The following BST1 variants were observed in gnomAD, a reference collection of about 807,000 sequenced individuals.
The protein encoded by BST1 is bone marrow stromal cell antigen 1.
Under a neutral mutation model 40.6 loss-of-function variants are expected in BST1, and 49 were observed. The ratio of observed to expected loss-of-function variants is 1.21; its 90% CI spans 0.96 to 1.53. The LOEUF is 1.53. BST1 is among the 40% of genes most tolerant of loss of function. BST1 has a pLI of 0.00. For missense variants in BST1, 423 were observed against 395.9 expected, an observed-to-expected ratio of 1.07 and a Z score of -0.58; for synonymous variants, 157 against 159.3, an observed-to-expected ratio of 0.99 and a Z score of 0.11.
At chr4:15,724,656 A>G (rs1721001781) in intron 8 of BST1, among the ~76,000 whole-genome samples, 1 of 152,218 alleles carries the variant, frequency 6.6e-6, no homozygotes, top group East Asian at 1.9e-4. Context: ...AGTGCACTCC[A>G]GCCCAGTCAA....
At chr4:15,752,158 C>T in the BST1 span, among the ~76,000 whole-genome samples, 1 of 152,230 alleles carries the variant, frequency 6.6e-6, no homozygotes, top group Middle Eastern at 3.4e-3. Context: ...AGGATCTATT[C>T]AGTAAATGGG....
chr4:15,726,869 ATTTTTTT>A, intron 8 of BST1, among the ~76,000 whole-genome samples: 1 of 129,612 alleles, frequency 7.7e-6, no homozygotes, highest in African/African-American at 2.9e-5. Context: ...TTTCCTCGGT[ATTTTTTT>A]TTTTTTTTTT....
At chr4:15,703,862 G>A (rs1397124472) in intron 1 of BST1, among the ~76,000 whole-genome samples, 1 of 145,280 alleles carries the variant, frequency 6.9e-6, no homozygotes, top group Non-Finnish European at 1.5e-5. Context: ...TGAGGGGTGT[G>A]TGCATGTGTG....
chr4:15,729,013 C>G (rs1721255812), intron 8 of BST1, among the ~76,000 whole-genome samples: 1 of 151,928 alleles, frequency 6.6e-6, no homozygotes, highest in East Asian at 1.9e-4. Context: ...AGTTTTGAAC[C>G]AGTATTGGAA....
chr4:15,715,654 C>T, intron 5 of BST1, 53 bp from the exon 6 acceptor site: 1 of 1,266,948 alleles, frequency 7.9e-7, no homozygotes, highest in Non-Finnish European at 1.1e-6. Flanking sequence ...AAATTAACAA[C>T]TGAAATGGAA....
the BST1 span, among the ~76,000 whole-genome samples, chr4:15,760,370 A>G: frequency 6.6e-6 from 1 of 151,824 alleles, no homozygotes; most frequent in Non-Finnish European, 1.5e-5. Flanking sequence ...AATTATTATG[A>G]TAATGCCTTT....
At chr4:15,715,576 TA>T in intron 5 of BST1, 130 bp from the exon 6 acceptor site, 1 of 839,314 alleles carries the variant, frequency 1.2e-6, no homozygotes, top group Non-Finnish European at 1.8e-6. Flanking sequence ...AAAAGTAACC[TA>T]AAAATAAAAG....
chr4:15,767,550 G>A, the BST1 span, among the ~76,000 whole-genome samples: 10 of 151,022 alleles, frequency 6.6e-5, no homozygotes, highest in Admixed American at 2.6e-4. Flanking sequence ...TGATCTGCCC[G>A]TTTCGGCTTT....
chr4:15,750,556 G>C, the BST1 span, among the ~76,000 whole-genome samples: 1 of 152,206 alleles, frequency 6.6e-6, no homozygotes, highest in Admixed American at 6.5e-5. Flanking sequence ...CTACTATCCA[G>C]AACTATGCTG....
At chr4:15,767,757 G>T in the BST1 span, among the ~76,000 whole-genome samples, 1 of 151,626 alleles carries the variant, frequency 6.6e-6, no homozygotes, top group African/African-American at 2.4e-5. Context: ...TTGATGTGGG[G>T]AAAACACTTT....
the BST1 span, among the ~76,000 whole-genome samples, chr4:15,769,816 G>T: frequency 6.6e-6 from 1 of 151,944 alleles, no homozygotes; most frequent in Non-Finnish European, 1.5e-5. Context: ...TTTCTTCTTT[G>T]CTCTATTTCC....
At chr4:15,736,023 GT>G, downstream of BST1, 1 of 1,232,638 alleles carries the variant, frequency 8.1e-7, no homozygotes, top group Non-Finnish European at 1.1e-6. Flanking sequence ...ATTTTTCTAT[GT>G]GTTTTTATGC....
chr4:15,723,849 G>A (rs57497036), intron 8 of BST1, among the ~76,000 whole-genome samples: 20,484 of 152,002 alleles, frequency 0.13, 2,599 homozygotes, highest in East Asian at 0.52. Flanking sequence ...ACTCCTCCAC[G>A]CTATGTATTT....
the BST1 span, among the ~76,000 whole-genome samples, chr4:15,754,303 G>A: frequency 2.3e-3 from 347 of 152,296 alleles, 1 homozygote; most frequent in African/African-American, 7.9e-3. Flanking sequence ...GAGGTTGTGA[G>A]GATTAGTGTG....
At chr4:15,709,623 C>T (rs1720075407) in intron 3 of BST1, among the ~76,000 whole-genome samples, 1 of 152,206 alleles carries the variant, frequency 6.6e-6, no homozygotes, top group African/African-American at 2.4e-5. Flanking sequence ...TTCTTCTTCA[C>T]CTCGCTGCCC....
At chr4:15,737,533 G>A (rs1030645165), downstream of BST1, among the ~76,000 whole-genome samples, 22 of 152,166 alleles carry the variant, frequency 1.4e-4, 1 homozygote, top group South Asian at 6.2e-4. Context: ...TCAACAAACA[G>A]GTCCCAGCAC....
intron 7 of BST1, among the ~76,000 whole-genome samples, chr4:15,719,970 A>T (rs774588200): frequency 6.6e-6 from 1 of 152,222 alleles, no homozygotes; most frequent in Non-Finnish European, 1.5e-5. Context: ...AACAAGGCAA[A>T]TGTCCTTTTC....
chr4:15,707,568 C>G lies in BST1; in HGVS notation c.373C>G (p.Arg125Gly). ...TAACAGCTTTGCAGACAACACCCGT[C>G]GTTTTATGCCCCTGAGCGATGTTCT... ...LVNSFADNTR[R>G]FMPLSDVLYG... Residue 125 changes from arginine (R) to glycine (G), a missense_variant, in exon 3 of 9, where the codon CGT (arginine) becomes GGT (glycine). By Grantham distance (125) the Arg-to-Gly change is moderately radical (BLOSUM62 -2). Transcript: ENST00000265016. 6.2e-7 allele frequency: 1 copy of G among 1,614,028 alleles called. No individual in the cohort carries two copies. The highest frequency in any genetic ancestry group is 8.5e-7 in the Non-Finnish European group (1 of 1,179,990).
At position 15,715,613 on chromosome 4, in the gene BST1, T is replaced by C. The variant is rs551220148; in HGVS notation, c.612-94T>C. On this transcript the variant is annotated intron_variant, in intron 5 of 8. Transcript: ENST00000265016. ...CTAAAGAAGAAAAACTTCTAAAAGC[T>C]CTTTATTTTTTTTTAAGAAAGGTAA... 8 of 975,222 alleles carry C rather than the reference T, an allele frequency of 8.2e-6. No individual in the cohort carries two copies. The South Asian group carries it at 1.1e-4, about 14-fold the overall frequency. The allele number at this position is 975,222 out of a possible 1,614,324, so 60.4% of individuals were successfully genotyped here.
Sources: allele counts gnomAD v4.1 joint callset (sites outside exome capture counted in the v4.1 genomes callset), GRCh38; gene constraint gnomAD v4.1.1; transcripts MANE v1.5; gene names NCBI Gene and HGNC (gene_info 2026-07-23, HGNC 2026-07-21).